Variants in MTMR9 observed in about 807,000 individuals in gnomAD.
MTMR9 encodes myotubularin related protein 9.
In MTMR9, 39 loss-of-function variants were observed where a neutral mutation model predicts 69.5. The ratio of observed to expected loss-of-function variants is 0.56; its 90% CI spans 0.43 to 0.73. The LOEUF (loss-of-function observed/expected upper bound fraction) is 0.73, where lower values mean the gene tolerates loss of function less well. MTMR9 is among the 30% of genes least tolerant of loss of function. MTMR9 has a pLI of 0.00. For missense variants in MTMR9, 900 were observed against 671.2 expected (o/e 1.34, Z -3.77); for synonymous variants, 354 against 240.8 (o/e 1.47, Z -4.35).
At position 11,308,332 on chromosome 8, in the gene MTMR9, C is replaced by T. The variant is rs1359390364; in HGVS notation, c.810-1195C>T. ...GTATGTTCTCGGCAACTTTTTCAAACATCAATTTACCATAAATGCATGGAT... is the reference window on the plus strand; with the variant it reads ...GTATGTTCTCGGCAACTTTTTCAAATATCAATTTACCATAAATGCATGGAT... On this transcript the variant is annotated intron_variant, in intron 5 of 9. Transcript: ENST00000221086. Among the ~76,000 whole-genome samples the T allele has an allele frequency of 7.9e-5, 12 of 152,170 alleles. No homozygotes were observed. The East Asian group carries it at 9.6e-4, about 12-fold the overall frequency.
downstream of MTMR9, chr8:11,332,280 A>G (rs764647427): frequency 1.6e-6 from 2 of 1,216,576 alleles, no homozygotes; most frequent in African/African-American, 1.6e-5. Flanking sequence ...TGAGATGTTC[A>G]GTTATAATAA....
At position 11,298,415 on chromosome 8, in the gene MTMR9, T is replaced by G. The variant is rs562341089; in HGVS notation, c.292-1608T>G. 3.9e-5 allele frequency among the ~76,000 whole-genome samples: 6 copies of G among 152,174 alleles called. No homozygotes were observed. In the South Asian group the frequency reaches 1.2e-3, roughly 32 times the overall value. On this transcript the variant is annotated intron_variant, in intron 2 of 9. Coordinates refer to ENST00000221086, the MANE Select transcript of MTMR9 (RefSeq NM_015458.4). ...TATATATATTTATATGGATAATGGA[T>G]TATACAGCCATGCTTCTCTATATTT... is the stretch of plus-strand genomic sequence containing the variant.
downstream of MTMR9, among the ~76,000 whole-genome samples, chr8:11,330,052 C>A (rs951883972): frequency 7.2e-5 from 11 of 151,836 alleles, no homozygotes; most frequent in Admixed American, 2.6e-4. Flanking sequence ...GCCGCCCCGT[C>A]TGGGAAGTGA....
intron 3 of MTMR9, 30 bp downstream of exon 3, chr8:11,300,178 T>C (rs747268523): frequency 1.2e-6 from 2 of 1,609,014 alleles, no homozygotes; most frequent in Non-Finnish European, 1.7e-6. Context: ...CTGTGGATTA[T>C]GAGAAGTAAC....
At position 11,316,699 on chromosome 8, in the gene MTMR9, T is replaced by C. The variant is rs1800430793; in HGVS notation, c.1140T>C (p.Cys380=). 6.2e-7 allele frequency: 1 copy of C among 1,611,838 alleles called. No individual in the cohort carries two copies. The highest frequency in any genetic ancestry group is 1.7e-5 in the Admixed American group (1 of 59,756). ...LQAGHPFQQR[C]AQSAYCNTKQ... ...CTGGTCACCCATTCCAGCAGCGCTGTGCACAGTCAGCCTACTGTAACACCA... is the reference window on the plus strand; with the variant it reads ...CTGGTCACCCATTCCAGCAGCGCTGCGCACAGTCAGCCTACTGTAACACCA... The change falls in exon 8 of 10, where the codon TGT becomes TGC. Residue 380 remains cysteine (C), a synonymous_variant. Transcript: ENST00000221086.
In MTMR9 at chr8:11,304,987, A is replaced by T. The variant is rs2164272; in HGVS notation, c.564A>T (p.Leu188=). 1 of 1,613,702 alleles carries T rather than the reference A, an allele frequency of 6.2e-7. No individual in the cohort carries two copies. Among genetic ancestry groups the T allele is most frequent in the Non-Finnish European group, 8.5e-7 (1 of 1,179,840 alleles). Residue 188 remains leucine (L), a synonymous_variant, in exon 4 of 10, where the codon CTA becomes CTT. Coordinates refer to ENST00000221086, the MANE Select transcript of MTMR9 (RefSeq NM_015458.4). ...TFRHGGRFPV[L]SYYHKKNGMV... ...GACATGGAGGGCGCTTCCCAGTACT[A>T]AGCTATTACCACAAAAAAAATGGGA...
intron 1 of MTMR9, among the ~76,000 whole-genome samples, chr8:11,287,559 C>T (rs189272077): frequency 2.5e-4 from 38 of 151,380 alleles, no homozygotes; most frequent in South Asian, 6.2e-4. Flanking sequence ...CTGTTTTCCA[C>T]GTGCATTGTC....
intron 2 of MTMR9, among the ~76,000 whole-genome samples, chr8:11,299,368 A>G (rs1359514261): frequency 6.6e-6 from 1 of 152,192 alleles, no homozygotes; most frequent in African/African-American, 2.4e-5. Flanking sequence ...TATGTGCCAG[A>G]CACTGTTCTA....
At position 11,312,380 on chromosome 8, in the gene MTMR9, T is replaced by G. The variant is rs1800238937; in HGVS notation, c.972-2543T>G. On this transcript the variant is annotated intron_variant, in intron 6 of 9. Coordinates refer to ENST00000221086, the MANE Select transcript of MTMR9 (RefSeq NM_015458.4). Reference sequence around the variant, plus strand: ...TTTTTTATGAGATGGGGTCTTTCCCTCTGTCACCCAAGCTGGAGTGCAGTG... The same window carrying G: ...TTTTTTATGAGATGGGGTCTTTCCCGCTGTCACCCAAGCTGGAGTGCAGTG... Among the ~76,000 whole-genome samples the G allele has an allele frequency of 2.0e-5, 3 of 152,174 alleles. No homozygotes were observed. In the South Asian group the frequency reaches 6.2e-4, roughly 32 times the overall value.
intron 1 of MTMR9, among the ~76,000 whole-genome samples, chr8:11,290,070 C>A (rs1447884134): frequency 1.3e-5 from 2 of 152,192 alleles, no homozygotes; most frequent in Non-Finnish European, 2.9e-5. Flanking sequence ...ACATTGCCTT[C>A]CCATGATGGT....
chr8:11,317,321 T>C (rs774957699), intron 8 of MTMR9: 2 of 152,668 alleles, frequency 1.3e-5, no homozygotes, highest in Non-Finnish European at 2.9e-5. Context: ...CCAACCATTT[T>C]GGCACCAGGG....
downstream of MTMR9, among the ~76,000 whole-genome samples, chr8:11,329,993 C>T (rs1352577340): frequency 6.6e-6 from 1 of 151,728 alleles, no homozygotes; most frequent in Non-Finnish European, 1.5e-5. Context: ...AGGAGCCCCT[C>T]CGCCTGGCAG....
chr8:11,321,385 T>C (rs1387879653), intron 9 of MTMR9: 1 of 456,308 alleles, frequency 2.2e-6, no homozygotes. Context: ...GACAATGTAC[T>C]TAAAGCCACT....
At chr8:11,331,639 G>C (rs769166336), downstream of MTMR9, 21 of 1,612,066 alleles carry the variant, frequency 1.3e-5, no homozygotes, top group Non-Finnish European at 1.8e-5. Flanking sequence ...CCTGGACTCT[G>C]GACACTACAG....
intron 2 of MTMR9, chr8:11,298,880 A>AT (rs961106927): frequency 2.2e-5 from 22 of 985,100 alleles, no homozygotes; most frequent in Non-Finnish European, 2.7e-5. Flanking sequence ...CCAGGTAAAT[A>AT]TAGGCCCATT....
In MTMR9 at chr8:11,305,004, A is replaced by G. The variant is rs769341315; in HGVS notation, c.581A>G (p.Lys194Arg). 5.6e-6 allele frequency: 9 copies of G among 1,613,950 alleles called. No individual in the cohort carries two copies. In the South Asian group the frequency reaches 9.9e-5, roughly 18 times the overall value. Reference protein sequence around the residue: ...RFPVLSYYHKKNGMVIMRSGQ... With the variant: ...RFPVLSYYHKRNGMVIMRSGQ... ...CCAGTACTAAGCTATTACCACAAAA[A>G]AAATGGGATGGTAAGTGCACAGCAC... Residue 194 changes from lysine to arginine, a missense_variant, in exon 4 of 10, where the codon AAA becomes AGA. Coordinates refer to ENST00000221086, the MANE Select transcript of MTMR9 (RefSeq NM_015458.4).
intron 7 of MTMR9, 68 bp downstream of exon 7, chr8:11,315,132 C>T: frequency 1.3e-6 from 2 of 1,554,482 alleles, no homozygotes; most frequent in South Asian, 1.1e-5. Context: ...TGTGTGGTAG[C>T]TGACATAATG....
chr8:11,297,816 T>C, intron 2 of MTMR9: 1 of 454,960 alleles, frequency 2.2e-6, no homozygotes, highest in Non-Finnish European at 4.4e-6. Flanking sequence ...TCATTTGACC[T>C]CAGAAAATGA....
intron 2 of MTMR9, chr8:11,297,868 T>C (rs747639653): frequency 2.2e-6 from 1 of 456,318 alleles, no homozygotes; most frequent in South Asian, 1.5e-5. Flanking sequence ...ATTAACATAG[T>C]GAACCTGTCC....
Sources: gnomAD v4.1 joint callset for allele counts (sites outside exome capture counted in the v4.1 genomes callset) on GRCh38, gnomAD v4.1.1 for gene constraint, MANE v1.5 for transcripts, NCBI Gene and HGNC (gene_info 2026-07-23, HGNC 2026-07-21) for gene names.